The following SEMA4D variants were observed in gnomAD, a reference collection of about 807,000 sequenced individuals.
SEMA4D encodes the protein semaphorin-4D.
SEMA4D carries 22 observed loss-of-function variants against 74.8 expected under a neutral mutation model. The observed-to-expected ratio is 0.29, with a 90% CI of 0.21 to 0.42. The LOEUF (loss-of-function observed/expected upper bound fraction) is 0.42. SEMA4D is among the 10% of genes least tolerant of loss of function. The pLI is 1.00. For synonymous variants in SEMA4D, 445 were observed against 463.7 expected, an observed-to-expected ratio of 0.96 and a Z score of 0.52; for missense variants, 937 against 1,118.4, an observed-to-expected ratio of 0.84 and a Z score of 2.31.
At chr9:89,403,070 C>T (rs1463175117) in intron 3 of SEMA4D, 54 bp from the exon 4 acceptor site, 38 of 1,579,424 alleles carry the variant, frequency 2.4e-5, no homozygotes, top group Middle Eastern at 1.7e-4. Flanking sequence ...GCGATGGAAG[C>T]ATTTTTAAAC....
chr9:89,382,175 G>A lies in SEMA4D; in HGVS notation c.1447-829C>T, dbSNP rs141608572. On this transcript the variant is annotated intron_variant, in intron 13 of 15. Transcript: ENST00000422704. ...CCAGGGCTGCTGACTGCTTTTGAAC[G>A]GAACTCAGCTGGAAGGAGGGTGCCC... is the stretch of plus-strand genomic sequence containing the variant. Among the ~76,000 whole-genome samples the A allele has an allele frequency of 4.6e-5, 7 of 152,316 alleles. No homozygotes were observed. The East Asian group carries it at 9.7e-4, about 21-fold the overall frequency.
intron 5 of SEMA4D, among the ~76,000 whole-genome samples, chr9:89,398,881 G>A (rs542856524): frequency 6.6e-6 from 1 of 152,334 alleles, no homozygotes; most frequent in East Asian, 1.9e-4. Context: ...GAGAAAAACT[G>A]CATGACTAGC....
chr9:89,481,294 G>A (rs1379650619), intron 1 of SEMA4D, among the ~76,000 whole-genome samples: 5 of 152,230 alleles, frequency 3.3e-5, no homozygotes, highest in Admixed American at 1.3e-4. Context: ...CGAGGGAGGC[G>A]GGGCCCATCA....
intron 1 of SEMA4D, chr9:89,479,785 G>C (rs997271073): frequency 4.8e-5 from 8 of 167,358 alleles, no homozygotes; most frequent in South Asian, 1.4e-4. Context: ...GATCTTCGCG[G>C]TGAGTGTTAC....
intron 1 of SEMA4D, among the ~76,000 whole-genome samples, chr9:89,473,164 A>C (rs4876985): frequency 0.19 from 28,611 of 152,210 alleles, 2,915 homozygotes; most frequent in East Asian, 0.32. Flanking sequence ...ACTTTTCCTA[A>C]GATATTGTAA....
intron 1 of SEMA4D, among the ~76,000 whole-genome samples, chr9:89,490,865 G>A (rs977620096): frequency 6.6e-6 from 1 of 152,120 alleles, no homozygotes; most frequent in South Asian, 2.1e-4. Flanking sequence ...GAAATTTAGG[G>A]GGATTCTCAG....
intron 18 of SEMA4D, among the ~76,000 whole-genome samples, chr9:89,362,628 G>A (rs934921824): frequency 2.0e-5 from 3 of 152,342 alleles, no homozygotes; most frequent in Non-Finnish European, 4.4e-5. Flanking sequence ...GAGCAGCAGC[G>A]CATTCACTCC....
rs772816288 is a variant in SEMA4D at position 89,363,434 on chromosome 9, G to T, written c.2186C>A (p.Ala729Glu). Residue 729 changes from alanine (A) to glutamate (E), a missense_variant, in exon 18 of 19, where the codon GCG becomes GAG. Coordinates refer to the SEMA4D transcript ENST00000339861. ...TGCCCGGCTGCGGCCACTTACCCAC[G>T]CCTTCCTCCAGCTCTGCATCATCCG... 2.3e-5 allele frequency: 37 copies of T among 1,612,732 alleles called. No individual in the cohort carries two copies. The South Asian group carries it at 2.5e-4, about 11-fold the overall frequency.
chr9:89,413,545 T>C (rs1244541542), intron 2 of SEMA4D, among the ~76,000 whole-genome samples: 1 of 152,236 alleles, frequency 6.6e-6, no homozygotes, highest in Non-Finnish European at 1.5e-5. Flanking sequence ...CACCTATCCA[T>C]GTTTGTACAT....
At position 89,391,301 on chromosome 9, in the gene SEMA4D, AAC is replaced by A; in HGVS notation, c.735_736del (p.Phe246GlnfsTer113). 6.2e-7 allele frequency: 1 copy of A among 1,614,238 alleles called. No individual in the cohort carries two copies. The highest frequency in any genetic ancestry group is 8.5e-7 in the Non-Finnish European group (1 of 1,180,044). On this transcript the variant is annotated frameshift_variant, in exon 9 of 16. Coordinates refer to ENST00000422704, the MANE Select transcript of SEMA4D (RefSeq NM_001371194.2). LOFTEE classifies it high-confidence loss of function. ...TGCTATCCGTGGGATCAGCACCCTG[AAC>A]ACAAACTCATACTCCACAGACACCT... is the stretch of plus-strand genomic sequence containing the variant.
rs1053564813 is a variant in SEMA4D, at chr9:89,385,576, G to C, written c.1446+791C>G. 1.0e-5 allele frequency: 10 copies of C among 985,214 alleles called. No individual in the cohort carries two copies. The African/African-American group carries it at 1.6e-4, about 15-fold the overall frequency. The allele number at this position is 985,214 out of a possible 1,614,324, so 61.0% of individuals were successfully genotyped here. ...TTCATTCTCTTTTCCTTTCAGATCT[G>C]AGGGAGAACTCTCCATTAGCAGAGG... On this transcript the variant is annotated intron_variant, in intron 13 of 15. Transcript: ENST00000422704.
chr9:89,491,695 G>GAAGC (rs1825642470), intron 1 of SEMA4D, among the ~76,000 whole-genome samples: 1 of 152,202 alleles, frequency 6.6e-6, no homozygotes, highest in African/African-American at 2.4e-5. Flanking sequence ...CACTCTCAGA[G>GAAGC]AAGCACACTC....
chr9:89,374,439 C>T (rs190678851), downstream of SEMA4D, among the ~76,000 whole-genome samples: 134 of 152,280 alleles, frequency 8.8e-4, 2 homozygotes, highest in African/African-American at 2.7e-3. Context: ...GGCAGTGTGG[C>T]GGGCAGGGAG....
intron 2 of SEMA4D, among the ~76,000 whole-genome samples, chr9:89,445,398 T>C (rs530594461): frequency 1.3e-5 from 2 of 152,236 alleles, no homozygotes; most frequent in African/African-American, 4.8e-5. Context: ...ACAACAGAAG[T>C]GTATTCCCTC....
downstream of SEMA4D, among the ~76,000 whole-genome samples, chr9:89,373,113 T>TCCACCCCACCACCCCA (rs532793518): frequency 6.6e-6 from 1 of 151,996 alleles, no homozygotes; most frequent in African/African-American, 2.4e-5. Flanking sequence ...AGGGTGGGCC[T>TCCACCCCACCACCCCA]CCACCCCACC....
chr9:89,402,482 C>T (rs1842421423), intron 4 of SEMA4D, among the ~76,000 whole-genome samples: 2 of 152,064 alleles, frequency 1.3e-5, no homozygotes, highest in Admixed American at 6.5e-5. Context: ...TGATTATTTG[C>T]ACGACAAGGG....
intron 1 of SEMA4D, among the ~76,000 whole-genome samples, chr9:89,485,571 C>T (rs1322631637): frequency 1.3e-5 from 2 of 151,978 alleles, no homozygotes; most frequent in African/African-American, 4.8e-5. Context: ...GGAGGATCAC[C>T]TGAGGTCGGG....
chr9:89,365,558 T>C (rs13299268), intron 16 of SEMA4D: 30,485 of 152,190 alleles, frequency 0.2, 3,533 homozygotes, highest in East Asian at 0.38. Context: ...GCCCTAGATG[T>C]CCATCAACCT....
chr9:89,378,716 T>G lies in SEMA4D; in HGVS notation c.2577A>C (p.Ala859=), dbSNP rs755126018. 2 of 1,613,222 alleles carry G rather than the reference T, an allele frequency of 1.2e-6. No homozygotes were observed. Among genetic ancestry groups the G allele is most frequent in the East Asian group, 4.5e-5 (2 of 44,886 alleles). Reference sequence around the variant, plus strand: ...TGCACAGCCGGCCTCAGTCTCCATCTGCGTCTGAGTCAGCGAACTTCAGCT... The same window carrying G: ...TGCACAGCCGGCCTCAGTCTCCATCGGCGTCTGAGTCAGCGAACTTCAGCT... ...KCELKFADSD[A]DGD Residue 859 remains alanine, a synonymous_variant, in exon 16 of 16, where the codon GCA becomes GCC. Coordinates refer to ENST00000422704, the MANE Select transcript of SEMA4D (RefSeq NM_001371194.2).
Sources: gnomAD v4.1 joint callset for allele counts (sites outside exome capture counted in the v4.1 genomes callset) on GRCh38, gnomAD v4.1.1 for gene constraint, MANE v1.5 for transcripts, NCBI Gene and HGNC (gene_info 2026-07-23, HGNC 2026-07-21) for gene names.